MICAL3: variants seen among roughly 807,000 people sequenced by gnomAD.
The protein encoded by MICAL3 is microtubule associated monooxygenase, calponin and LIM domain containing 3, also known as [F-actin]-monooxygenase MICAL3.
In MICAL3, 62 loss-of-function variants were observed where a neutral mutation model predicts 207.4. The observed-to-expected ratio is 0.30, with a 90% confidence interval of 0.24 to 0.37. The LOEUF is 0.37. Among genes scored for constraint, MICAL3 ranks in the 10% least tolerant of loss-of-function variants. The pLI is 1.00. For synonymous variants in MICAL3, 1,077 were observed against 1,069.3 expected (o/e 1.01, Z -0.14); for missense variants, 2,368 against 2,635.6 (o/e 0.90, Z 2.22).
At chr22:17,856,980 A>G (rs906779462) in intron 19 of MICAL3, among the ~76,000 whole-genome samples, 3 of 152,144 alleles carry the variant, frequency 2.0e-5, no homozygotes, top group Non-Finnish European at 2.9e-5. Context: ...AAATGATAGG[A>G]AAGAAATTTT....
intron 1 of MICAL3, among the ~76,000 whole-genome samples, chr22:17,916,597 C>G (rs1932530842): frequency 6.6e-6 from 1 of 152,222 alleles, no homozygotes; most frequent in African/African-American, 2.4e-5. Context: ...GCTGTCCAAT[C>G]CAATGATCAA....
At chr22:17,899,623 A>C in intron 6 of MICAL3, 75 bp from the exon 7 acceptor site, 1 of 913,430 alleles carries the variant, frequency 1.1e-6, no homozygotes. Context: ...GAAAGGTTAC[A>C]CACAGGCCTA....
intron 16 of MICAL3, among the ~76,000 whole-genome samples, chr22:17,878,137 G>A (rs1009342534): frequency 9.9e-5 from 15 of 151,748 alleles, no homozygotes; most frequent in African/African-American, 3.6e-4. Flanking sequence ...ACAGGCCTGA[G>A]CCACCGCACC....
intron 24 of MICAL3, among the ~76,000 whole-genome samples, 176 bp from the exon 25 acceptor site, chr22:17,821,685 T>C (rs1569080478): frequency 6.6e-6 from 1 of 152,220 alleles, no homozygotes; most frequent in Non-Finnish European, 1.5e-5. Context: ...TGGAACCGTC[T>C]TCCCGGGGCT....
chr22:17,928,240 C>G (rs943373768), intron 1 of MICAL3, among the ~76,000 whole-genome samples: 2 of 152,204 alleles, frequency 1.3e-5, no homozygotes, highest in East Asian at 1.9e-4. Context: ...GAGATCGAGA[C>G]CATCCTGGCT....
intron 20 of MICAL3, among the ~76,000 whole-genome samples, chr22:17,832,982 A>G (rs1922966364): frequency 6.6e-6 from 1 of 152,188 alleles, no homozygotes; most frequent in African/African-American, 2.4e-5. Flanking sequence ...CCCCAGGGCC[A>G]TCGCTCCTGC....
At chr22:18,013,000 G>A (rs777530850) in intron 1 of MICAL3, among the ~76,000 whole-genome samples, 12 of 152,148 alleles carry the variant, frequency 7.9e-5, no homozygotes, top group Non-Finnish European at 1.5e-4. Flanking sequence ...GTGGGCATGG[G>A]GATGGAGGCA....
intron 21 of MICAL3, among the ~76,000 whole-genome samples, chr22:17,829,897 GT>G: frequency 1.9e-5 from 1 of 52,618 alleles, no homozygotes; most frequent in East Asian, 3.2e-4. Context: ...GCGCCTGACT[GT>G]CTGGGCAGGC....
At chr22:17,834,180 G>T in intron 20 of MICAL3, 1 of 952,542 alleles carries the variant, frequency 1.0e-6, no homozygotes, top group Non-Finnish European at 1.3e-6. Context: ...GGCTGGCTGT[G>T]TGACTGTGAG....
At position 17,870,026 on chromosome 22, in the gene MICAL3, TC is replaced by T. The variant is rs748180995; in HGVS notation, c.2428+1810del. 1.1e-4 allele frequency among the ~76,000 whole-genome samples: 16 copies of T among 152,250 alleles called. No homozygotes were observed. In the East Asian group the frequency reaches 1.5e-3, roughly 15 times the overall value. The stretch of plus-strand genomic sequence containing the variant: ...GCTAAAACTTCGGTGCCCCTAAAGT[TC>T]CTTCCTGGCTCTAGTCCATCTGTCC... On this transcript the variant is annotated intron_variant, in intron 17 of 31. Coordinates refer to ENST00000441493, the MANE Select transcript of MICAL3 (RefSeq NM_015241.3).
At chr22:17,883,225 A>C (rs1270134583) in intron 16 of MICAL3, among the ~76,000 whole-genome samples, 1 of 151,880 alleles carries the variant, frequency 6.6e-6, no homozygotes, top group African/African-American at 2.4e-5. Context: ...TTTTCAGAAG[A>C]CCTCCCTCAT....
chr22:17,954,285 G>A (rs1404862929), intron 1 of MICAL3, among the ~76,000 whole-genome samples: 1 of 152,166 alleles, frequency 6.6e-6, no homozygotes, highest in Non-Finnish European at 1.5e-5. Flanking sequence ...ACCTGTAGTG[G>A]GGGACAGAGA....
In MICAL3 at chr22:17,817,770, TG is replaced by T; in HGVS notation, c.4890del (p.Arg1631GlyfsTer33). Reference sequence around the variant, plus strand: ...GGTGCTGAGGACGCCTTGCGGGGCCTGGGGGCGCCTGAGGCCAGCTCCATCT... The same window carrying T: ...GGTGCTGAGGACGCCTTGCGGGGCCTGGGGCGCCTGAGGCCAGCTCCATCT... ...MQQMELASGA[P>X]RPRKASSAPS... On this transcript the variant is annotated frameshift_variant, in exon 26 of 32. Transcript: ENST00000441493. LOFTEE classifies it high-confidence loss of function. 6.3e-7 allele frequency: 1 copy of T among 1,595,816 alleles called. No individual in the cohort carries two copies. The highest frequency in any genetic ancestry group is 8.5e-7 in the Non-Finnish European group (1 of 1,170,718).
chr22:17,985,263 G>A (rs749224464), intron 1 of MICAL3, among the ~76,000 whole-genome samples: 7 of 152,030 alleles, frequency 4.6e-5, no homozygotes, highest in Non-Finnish European at 7.4e-5. Flanking sequence ...CAGAATGCCC[G>A]AGCGTGCTGC....
chr22:17,906,123 G>C (rs1482913004), intron 2 of MICAL3, among the ~76,000 whole-genome samples: 1 of 152,180 alleles, frequency 6.6e-6, no homozygotes, highest in Non-Finnish European at 1.5e-5. Context: ...AACCACGTGA[G>C]GTTCAAAAGA....
chr22:17,885,308 G>C (rs1076114), intron 16 of MICAL3, among the ~76,000 whole-genome samples: 7,341 of 152,236 alleles, frequency 0.048, 209 homozygotes, highest in African/African-American at 0.075. Flanking sequence ...CAACACTAGA[G>C]CAACAGCTAA....
intron 1 of MICAL3, among the ~76,000 whole-genome samples, chr22:17,959,846 G>GA (rs34966046): frequency 4.0e-5 from 6 of 150,566 alleles, no homozygotes; most frequent in East Asian, 3.9e-4. Flanking sequence ...AAAGGGTACA[G>GA]AAAAAAAAAA....
At chr22:17,949,810 C>T (rs906599192) in intron 1 of MICAL3, among the ~76,000 whole-genome samples, 2 of 152,224 alleles carry the variant, frequency 1.3e-5, no homozygotes, top group Non-Finnish European at 2.9e-5. Context: ...AAGGACAACA[C>T]ACGATGCAGG....
intron 19 of MICAL3, among the ~76,000 whole-genome samples, chr22:17,855,208 A>G (rs1457489309): frequency 1.3e-5 from 2 of 152,230 alleles, no homozygotes; most frequent in Non-Finnish European, 2.9e-5. Flanking sequence ...TGAGTTCAGT[A>G]CAGAGTGGCC....
Sources: allele counts gnomAD v4.1 joint callset (sites outside exome capture counted in the v4.1 genomes callset), GRCh38; gene constraint gnomAD v4.1.1; transcripts MANE v1.5; gene names NCBI Gene and HGNC (gene_info 2026-07-23, HGNC 2026-07-21).